GPC6: variants seen among roughly 807,000 people sequenced by gnomAD.
GPC6 encodes the protein glypican-6.
A neutral mutation model predicts 55.2 loss-of-function variants in GPC6; 14 were observed. That is an observed-to-expected ratio of 0.25 (90% confidence interval 0.17 to 0.40). The LOEUF is 0.40. GPC6 is among the 10% of genes least tolerant of loss of function. GPC6 has a pLI of 1.00. For synonymous variants in GPC6, 278 were observed against 259.6 expected (o/e 1.07, Z -0.68); for missense variants, 641 against 708.5 (o/e 0.90, Z 1.08).
chr13:93,698,429 G>A (rs1474655904), intron 2 of GPC6, among the ~76,000 whole-genome samples: 1 of 135,196 alleles, frequency 7.4e-6, no homozygotes, highest in African/African-American at 2.8e-5. Context: ...TTATCAGCAT[G>A]TGTTTAAGTG....
the GPC6 span, among the ~76,000 whole-genome samples, chr13:93,218,102 G>A: frequency 3.6e-5 from 4 of 112,472 alleles, no homozygotes; most frequent in African/African-American, 1.3e-4. Context: ...ACTTCCAACC[G>A]GCTAGCTCAG....
chr13:93,990,173 A>C (rs980209162), intron 3 of GPC6, among the ~76,000 whole-genome samples: 2 of 151,984 alleles, frequency 1.3e-5, no homozygotes, highest in Non-Finnish European at 2.9e-5. Context: ...TCTAGCACTC[A>C]TTTCATTAAA....
At chr13:93,275,090 C>T (rs952789461) in intron 1 of GPC6, among the ~76,000 whole-genome samples, 1 of 152,230 alleles carries the variant, frequency 6.6e-6, no homozygotes, top group Non-Finnish European at 1.5e-5. Context: ...ACAGGTCCTG[C>T]TTCCAAACTG....
chr13:93,725,335 G>C (rs1883596673), intron 2 of GPC6, among the ~76,000 whole-genome samples: 2 of 151,988 alleles, frequency 1.3e-5, no homozygotes, highest in Admixed American at 6.6e-5. Flanking sequence ...GTTTACTCTT[G>C]GTTGTAAGGC....
At chr13:94,379,327 T>C (rs1397752813) in intron 6 of GPC6, among the ~76,000 whole-genome samples, 1 of 152,212 alleles carries the variant, frequency 6.6e-6, no homozygotes, top group Non-Finnish European at 1.5e-5. Flanking sequence ...AGTGTTTCCG[T>C]GCAGAATGTT....
intron 1 of GPC6, among the ~76,000 whole-genome samples, chr13:93,385,236 C>T (rs1473803401): frequency 6.6e-6 from 1 of 152,150 alleles, no homozygotes; most frequent in East Asian, 1.9e-4. Flanking sequence ...AAACTGGTAG[C>T]AGGACAGTGA....
the GPC6 span, among the ~76,000 whole-genome samples, chr13:93,217,649 A>G: frequency 1.3e-5 from 2 of 152,198 alleles, no homozygotes; most frequent in South Asian, 4.1e-4. Context: ...TACAAGTTTA[A>G]AATAAGCTGG....
intron 2 of GPC6, among the ~76,000 whole-genome samples, chr13:93,684,629 C>T (rs1030076124): frequency 1.3e-5 from 2 of 152,136 alleles, no homozygotes; most frequent in Non-Finnish European, 2.9e-5. Context: ...TGTCACTGAG[C>T]AACCTAGGGG....
intron 1 of GPC6, among the ~76,000 whole-genome samples, chr13:93,229,908 T>A (rs1366949141): frequency 6.6e-6 from 1 of 152,184 alleles, no homozygotes; most frequent in Non-Finnish European, 1.5e-5. Flanking sequence ...TTTTTCAAAA[T>A]CAACTTTACT....
intron 1 of GPC6, among the ~76,000 whole-genome samples, chr13:93,317,377 C>A (rs7339043): frequency 0.28 from 41,988 of 151,896 alleles, 6,427 homozygotes; most frequent in African/African-American, 0.41. Flanking sequence ...GACGAAAGCT[C>A]TGCTTGTATT....
At chr13:93,237,691 T>C (rs1032718601) in intron 1 of GPC6, among the ~76,000 whole-genome samples, 2 of 151,968 alleles carry the variant, frequency 1.3e-5, no homozygotes, top group African/African-American at 2.4e-5. Context: ...ATAATTTTAA[T>C]GGTTTCAGGT....
chr13:94,069,431 T>C (rs1028931983), intron 4 of GPC6, among the ~76,000 whole-genome samples: 9 of 152,274 alleles, frequency 5.9e-5, no homozygotes, highest in Admixed American at 5.9e-4. Context: ...AGAGATATTT[T>C]CCCTATTGTC....
chr13:93,455,050 G>A (rs1018883342), intron 1 of GPC6, among the ~76,000 whole-genome samples: 3 of 152,308 alleles, frequency 2.0e-5, no homozygotes, highest in African/African-American at 4.8e-5. Context: ...CTTATTGCCC[G>A]GAGCCGGCAG....
At chr13:93,334,790 C>G (rs960086339) in intron 1 of GPC6, among the ~76,000 whole-genome samples, 1 of 152,150 alleles carries the variant, frequency 6.6e-6, no homozygotes, top group African/African-American at 2.4e-5. Context: ...TCACTGAAAA[C>G]TTACCTATGA....
chr13:93,728,606 G>A (rs1883723240), intron 2 of GPC6, among the ~76,000 whole-genome samples: 1 of 151,146 alleles, frequency 6.6e-6, no homozygotes, highest in African/African-American at 2.4e-5. Flanking sequence ...TCACTGTGTT[G>A]CCCAGGCTGG....
At chr13:94,128,824 C>T (rs1314681720) in intron 4 of GPC6, among the ~76,000 whole-genome samples, 1 of 152,092 alleles carries the variant, frequency 6.6e-6, no homozygotes, top group Non-Finnish European at 1.5e-5. Context: ...TTCAGAAGGT[C>T]GGAGAATCAC....
At chr13:93,459,039 G>GATTAAAATCATATTTGTATTTT (rs1402476317) in intron 1 of GPC6, among the ~76,000 whole-genome samples, 1 of 152,094 alleles carries the variant, frequency 6.6e-6, no homozygotes, top group African/African-American at 2.4e-5. Context: ...AACACGCTTT[G>GATTAAAATCATATTTGTATTTT]ATTAAAATCA....
chr13:93,263,326 T>G (rs1189052689), intron 1 of GPC6, among the ~76,000 whole-genome samples: 2 of 152,024 alleles, frequency 1.3e-5, no homozygotes, highest in Admixed American at 1.3e-4. Flanking sequence ...CTTGGAGTTT[T>G]TTGTTGTTGT....
chr13:93,747,485 T>G (rs1265419666), intron 2 of GPC6, among the ~76,000 whole-genome samples: 1 of 152,164 alleles, frequency 6.6e-6, no homozygotes, highest in Non-Finnish European at 1.5e-5. Flanking sequence ...AGAGAGAAAT[T>G]GATGGCCCTG....
Sources: gnomAD v4.1 joint callset for allele counts (sites outside exome capture counted in the v4.1 genomes callset) on GRCh38, gnomAD v4.1.1 for gene constraint, MANE v1.5 for transcripts, NCBI Gene and HGNC (gene_info 2026-07-23, HGNC 2026-07-21) for gene names.